Variants in NTNG2 observed in about 807,000 individuals in gnomAD.
NTNG2 encodes the protein netrin-G2.
A neutral mutation model predicts 47.6 loss-of-function variants in NTNG2; 15 were observed. The ratio of observed to expected loss-of-function variants is 0.32; its 90% CI spans 0.21 to 0.49. The LOEUF (loss-of-function observed/expected upper bound fraction) is 0.49, where lower values mean the gene tolerates loss of function less well. NTNG2 is among the 20% of genes least tolerant of loss of function. NTNG2 has a pLI of 0.99. For synonymous variants in NTNG2, 307 were observed against 324.6 expected, an observed-to-expected ratio of 0.95 and a Z score of 0.58; for missense variants, 578 against 764.6, an observed-to-expected ratio of 0.76 and a Z score of 2.88.
intron 4 of NTNG2, among the ~76,000 whole-genome samples, chr9:132,228,642 C>T (rs1840974705): frequency 6.6e-6 from 1 of 151,870 alleles, no homozygotes; most frequent in African/African-American, 2.4e-5. Context: ...ACTGTAACCT[C>T]AACCTCCTGG....
At chr9:132,228,775 C>G (rs1320816270) in intron 4 of NTNG2, among the ~76,000 whole-genome samples, 1 of 152,132 alleles carries the variant, frequency 6.6e-6, no homozygotes, top group Non-Finnish European at 1.5e-5. Context: ...CCAGGCTGGT[C>G]TCGAGCTCCT....
intron 2 of NTNG2, among the ~76,000 whole-genome samples, chr9:132,172,503 G>A (rs1029337415): frequency 3.3e-5 from 5 of 152,310 alleles, no homozygotes; most frequent in Non-Finnish European, 2.9e-5. Flanking sequence ...TGCTCACTGC[G>A]TGCTGGCTGT....
At position 132,242,006 on chromosome 9, in the gene NTNG2, T is replaced by C. The variant is rs372534851; in HGVS notation, c.1488T>C (p.Asp496=). The C allele has an allele frequency of 6.1e-6, 9 of 1,472,300 alleles. No homozygotes were observed. Among genetic ancestry groups the C allele is most frequent in the African/African-American group, 4.4e-5 (3 of 67,792 alleles). The allele number at this position is 1,472,300 out of a possible 1,614,324, so 91.2% of individuals were successfully genotyped here. The change falls in exon 8 of 8, where the codon GAT becomes GAC. Residue 496 remains aspartate (D), a synonymous_variant. Transcript: ENST00000393229. This position sits in a 1 kb window ranked among gnomAD's most constrained non-coding sequence, Gnocchi z 5.9. ...CEQPRCDPAD[D]DGGLDCDRAP... ...AGCCCCGCTGCGACCCCGCCGACGA[T>C]GACGGCGGTCTGGACTGCGACCGCG...
chr9:132,173,939 G>GGCCA (rs1411452139), intron 2 of NTNG2, among the ~76,000 whole-genome samples: 1 of 67,026 alleles, frequency 1.5e-5, no homozygotes, highest in Non-Finnish European at 3.1e-5. Flanking sequence ...ACAGGCAGGA[G>GGCCA]CACCATGCTG....
At chr9:132,204,181 C>A (rs1414721607) in intron 3 of NTNG2, among the ~76,000 whole-genome samples, 2 of 152,156 alleles carry the variant, frequency 1.3e-5, no homozygotes, top group Non-Finnish European at 2.9e-5. Flanking sequence ...TTCCAAGAGG[C>A]TGAGCTGGGC....
chr9:132,211,946 A>G (rs1839623742), intron 3 of NTNG2, among the ~76,000 whole-genome samples: 1 of 152,206 alleles, frequency 6.6e-6, no homozygotes, highest in Admixed American at 6.5e-5. Flanking sequence ...TCAGTCATTC[A>G]TTTATTCATT....
Position 132,218,531 on chromosome 9 carries a change from T to C in NTNG2, c.858-8318T>C, listed in dbSNP as rs1047829110. ...GTTTTTTTGAGACCAAGTGTTGCTC[T>C]TGTCCCCCAGGCTGGAGTGCAATGG... is the stretch of plus-strand genomic sequence containing the variant. On this transcript the variant is annotated intron_variant, in intron 3 of 7. Transcript: ENST00000393229. The surrounding 1 kb of genome is among the most constrained non-coding windows in gnomAD (Gnocchi z 5.4). Among the ~76,000 whole-genome samples, 2 of 152,138 alleles carry C rather than the reference T, an allele frequency of 1.3e-5. No homozygotes were observed. Among genetic ancestry groups the C allele is most frequent in the Non-Finnish European group, 2.9e-5 (2 of 68,026 alleles).
intron 2 of NTNG2, among the ~76,000 whole-genome samples, chr9:132,173,359 G>A (rs191331713): frequency 6.6e-6 from 1 of 152,290 alleles, no homozygotes; most frequent in East Asian, 1.9e-4. Flanking sequence ...CCCAGGGAGT[G>A]AGACCCTTGC....
chr9:132,228,388 C>T (rs2130948606), intron 4 of NTNG2, among the ~76,000 whole-genome samples: 1 of 152,344 alleles, frequency 6.6e-6, no homozygotes, highest in Admixed American at 6.5e-5. Flanking sequence ...CCGCTGCCTC[C>T]TCCCAGCTTC....
At position 132,216,408 on chromosome 9, in the gene NTNG2, CTCTCTCTGTGTGTGTGTGTATGTG is replaced by C. The variant is rs1258770663; in HGVS notation, c.858-10439_858-10416del. 3.8e-4 allele frequency among the ~76,000 whole-genome samples: 36 copies of C among 94,594 alleles called. 1 individual carries two copies. In the South Asian group the frequency reaches 4.5e-3, roughly 12 times the overall value. The allele number at this position is 94,594 out of a possible 152,430, so 62.1% of individuals were successfully genotyped here. On this transcript the variant is annotated intron_variant, in intron 3 of 7. Transcript: ENST00000393229. ...TCTCTCTCTCTCTCTCTCTCTCTCT[CTCTCTCTGTGTGTGTGTGTATGTG>C]TGTGTGTGTGTGTGTGTGTGTGTGT...
intron 2 of NTNG2, among the ~76,000 whole-genome samples, chr9:132,178,712 G>A (rs1428086753): frequency 4.0e-5 from 6 of 151,390 alleles, no homozygotes; most frequent in African/African-American, 7.3e-5. Flanking sequence ...AGGCTGAGGC[G>A]GGCGGATTGT....
chr9:132,172,205 C>G (rs113704907), intron 2 of NTNG2, among the ~76,000 whole-genome samples: 150 of 152,284 alleles, frequency 9.9e-4, no homozygotes, highest in African/African-American at 3.4e-3. Flanking sequence ...CCTGGATAAC[C>G]CTGGCTCCTT....
rs377298016 is a variant in NTNG2 at position 132,240,998 on chromosome 9, G to A, written c.1311G>A (p.Lys437=). 6 of 1,609,986 alleles carry A rather than the reference G, an allele frequency of 3.7e-6. No individual in the cohort carries two copies. Among genetic ancestry groups the A allele is most frequent in the Non-Finnish European group, 5.1e-6 (6 of 1,179,458 alleles). ...GCCGCGAGGGCGCGGCGGGCCCCAA[G>A]TGCGACGACTGCCTCCCCACGCACT... is the stretch of plus-strand genomic sequence containing the variant. ...CECREGAAGP[K]CDDCLPTHYW... Residue 437 remains lysine (K), a synonymous_variant, in exon 7 of 8, where the codon AAG becomes AAA. Transcript: ENST00000393229.
intron 2 of NTNG2, among the ~76,000 whole-genome samples, chr9:132,168,871 G>A (rs1835686857): frequency 6.6e-6 from 1 of 152,198 alleles, no homozygotes; most frequent in African/African-American, 2.4e-5. Flanking sequence ...ACCAGCTTTG[G>A]GTCGAGGGCT....
intron 2 of NTNG2, among the ~76,000 whole-genome samples, chr9:132,188,340 T>A (rs1035995094): frequency 2.0e-5 from 3 of 152,180 alleles, no homozygotes; most frequent in Non-Finnish European, 2.9e-5. Context: ...GCCGCCTGCC[T>A]CCCCGTGGAA....
chr9:132,208,303 G>T lies in NTNG2; in HGVS notation c.857+9694G>T, dbSNP rs562466553. ...ACTCAGTGTGATGTGGCTGTGGTGG[G>T]TGAGTAAGATTCCAAAGAAGAGCAG... On this transcript the variant is annotated intron_variant, in intron 3 of 7. Coordinates refer to ENST00000393229, the MANE Select transcript of NTNG2 (RefSeq NM_032536.4). This position sits in a 1 kb window ranked among gnomAD's most constrained non-coding sequence, Gnocchi z 4.0. Among the ~76,000 whole-genome samples, 2 of 152,146 alleles carry T rather than the reference G, an allele frequency of 1.3e-5. No homozygotes were observed. The highest frequency in any genetic ancestry group is 4.8e-5 in the African/African-American group (2 of 41,432).
rs541516736 is a variant in NTNG2, at chr9:132,210,773, G to A, written c.857+12164G>A. ...TCAGGCCTTGTTCTGCCCCTGGGCTGGGCTGCCTCCCTCCACATCTCAGCA... is the reference window on the plus strand; with the variant it reads ...TCAGGCCTTGTTCTGCCCCTGGGCTAGGCTGCCTCCCTCCACATCTCAGCA... On this transcript the variant is annotated intron_variant, in intron 3 of 7. Coordinates refer to ENST00000393229, the MANE Select transcript of NTNG2 (RefSeq NM_032536.4). Among the ~76,000 whole-genome samples the A allele has an allele frequency of 3.3e-5, 5 of 152,190 alleles. No homozygotes were observed. In the South Asian group the frequency reaches 1.0e-3, roughly 32 times the overall value.
Position 132,163,654 on chromosome 9 carries a change from G to C in NTNG2, c.-484+1415G>C, listed in dbSNP as rs1835267079. ...TCCCCCCTAGCCCCGGGAGCCCCCA[G>C]CGCCCTCCCTCCCGTGCCCCCAGGG... On this transcript the variant is annotated intron_variant, in intron 1 of 7. Coordinates refer to ENST00000393229, the MANE Select transcript of NTNG2 (RefSeq NM_032536.4). This position sits in a 1 kb window ranked among gnomAD's most constrained non-coding sequence, Gnocchi z 7.2. Among the ~76,000 whole-genome samples the C allele has an allele frequency of 6.6e-6, 1 of 152,154 alleles. No individual in the cohort carries two copies. The highest frequency in any genetic ancestry group is 2.1e-4 in the South Asian group (1 of 4,816).
intron 2 of NTNG2, among the ~76,000 whole-genome samples, chr9:132,174,635 A>G (rs993541913): frequency 3.3e-5 from 5 of 152,146 alleles, no homozygotes; most frequent in African/African-American, 1.2e-4. Context: ...TGCTCAAAAA[A>G]AGGGCCGGGT....
Sources: allele counts gnomAD v4.1 joint callset (sites outside exome capture counted in the v4.1 genomes callset), GRCh38; gene constraint gnomAD v4.1.1; non-coding constraint Gnocchi (gnomAD v3.1); transcripts MANE v1.5; gene names NCBI Gene and HGNC (gene_info 2026-07-23, HGNC 2026-07-21).